The following PDZRN3 variants were observed in gnomAD, a reference collection of about 807,000 sequenced individuals.
PDZRN3 encodes the protein PDZ domain containing ring finger 3.
In PDZRN3, 38 loss-of-function variants were observed where a neutral mutation model predicts 85.7. That is an observed-to-expected ratio of 0.44 (90% CI 0.34 to 0.58). PDZRN3 has a LOEUF of 0.58. Among genes scored for constraint, PDZRN3 ranks in the 20% least tolerant of loss-of-function variants. The pLI is 0.01. For missense variants in PDZRN3, 1,629 were observed against 1,506.4 expected, an observed-to-expected ratio of 1.08 and a Z score of -1.35; for synonymous variants, 759 against 638.0, an observed-to-expected ratio of 1.19 and a Z score of -2.86.
intron 3 of PDZRN3, chr3:73,556,756 C>A (rs990155585): frequency 7.9e-5 from 12 of 152,252 alleles, no homozygotes; most frequent in African/African-American, 2.9e-4. Context: ...GGCAGCAAGT[C>A]AACTGCAGCA....
chr3:73,402,204 C>T (rs1054961014), intron 4 of PDZRN3, among the ~76,000 whole-genome samples: 5 of 152,234 alleles, frequency 3.3e-5, no homozygotes, highest in African/African-American at 1.2e-4. Flanking sequence ...GTCATGTTAA[C>T]TAGACCTAAG....
At chr3:73,588,155 C>T (rs935321845) in intron 3 of PDZRN3, among the ~76,000 whole-genome samples, 1 of 152,106 alleles carries the variant, frequency 6.6e-6, no homozygotes, top group African/African-American at 2.4e-5. Context: ...CAATATTCAA[C>T]TCCTACTCAT....
At position 73,404,181 on chromosome 3, in the gene PDZRN3, G is replaced by A. The variant is rs148767599; in HGVS notation, c.1133C>T (p.Pro378Leu). ...CAAGAGATAGGGATCCAGCACGGGT[G>A]GGCTGGGAGAGGACATCTTAGTGAG... is the stretch of plus-strand genomic sequence containing the variant. Reference protein sequence around the residue: ...MALTKMSSPSPPVLDPYLLPE... With the variant: ...MALTKMSSPSLPVLDPYLLPE... The change falls in exon 4 of 10, where the codon CCA (proline) becomes CTA (leucine). Residue 378 changes from proline (P) to leucine (L), a missense_variant. Coordinates refer to ENST00000263666, the MANE Select transcript of PDZRN3 (RefSeq NM_015009.3). 6.2e-6 allele frequency: 10 copies of A among 1,613,932 alleles called. No homozygotes were observed. The highest frequency in any genetic ancestry group is 1.7e-5 in the Admixed American group (1 of 59,996).
At chr3:73,525,601 C>T (rs770702290) in intron 3 of PDZRN3, among the ~76,000 whole-genome samples, 3 of 152,198 alleles carry the variant, frequency 2.0e-5, no homozygotes, top group South Asian at 2.1e-4. Flanking sequence ...ATTGGGAATA[C>T]GTTTTAAGCT....
intron 6 of PDZRN3, among the ~76,000 whole-genome samples, chr3:73,390,113 T>C (rs1935971027): frequency 6.6e-6 from 1 of 152,156 alleles, no homozygotes; most frequent in African/African-American, 2.4e-5. Flanking sequence ...TACACAGCAG[T>C]GTGTGCAGGC....
At chr3:73,417,652 C>T (rs571430012) in intron 3 of PDZRN3, among the ~76,000 whole-genome samples, 7 of 152,292 alleles carry the variant, frequency 4.6e-5, no homozygotes, top group African/African-American at 1.7e-4. Context: ...AAGAAACCCT[C>T]CCTATCAGCT....
chr3:73,574,465 G>T (rs1165406956), intron 3 of PDZRN3, among the ~76,000 whole-genome samples: 2 of 138,750 alleles, frequency 1.4e-5, no homozygotes, highest in East Asian at 2.2e-4. Flanking sequence ...GGTGGGGGGG[G>T]TGGGGAGGGC....
At chr3:73,541,112 A>C (rs1249162026) in intron 3 of PDZRN3, among the ~76,000 whole-genome samples, 1 of 152,244 alleles carries the variant, frequency 6.6e-6, no homozygotes, top group East Asian at 1.9e-4. Context: ...ATTGAATGTC[A>C]GCAAAAAATG....
At chr3:73,596,861 A>G (rs1311087343) in intron 3 of PDZRN3, among the ~76,000 whole-genome samples, 2 of 152,208 alleles carry the variant, frequency 1.3e-5, no homozygotes, top group Non-Finnish European at 2.9e-5. Flanking sequence ...TGAAGATTAG[A>G]TAACAGTTTT....
At chr3:73,552,319 C>A (rs1701582969) in intron 3 of PDZRN3, among the ~76,000 whole-genome samples, 1 of 151,120 alleles carries the variant, frequency 6.6e-6, no homozygotes, top group African/African-American at 2.4e-5. Context: ...CACTATTATA[C>A]TTCTACCCTA....
chr3:73,509,465 C>T (rs1327388905), intron 3 of PDZRN3, among the ~76,000 whole-genome samples: 1 of 152,164 alleles, frequency 6.6e-6, no homozygotes, highest in East Asian at 1.9e-4. Context: ...GCTCAGTTTC[C>T]TCTTCTATAA....
At chr3:73,388,421 G>GT (rs1483277722) in intron 7 of PDZRN3, among the ~76,000 whole-genome samples, 1 of 152,154 alleles carries the variant, frequency 6.6e-6, no homozygotes, top group East Asian at 1.9e-4. Flanking sequence ...TCAGGCAGGA[G>GT]TATATGTAGA....
intron 3 of PDZRN3, among the ~76,000 whole-genome samples, chr3:73,508,847 AGG>A (rs1440266335): frequency 3.3e-5 from 5 of 152,206 alleles, no homozygotes; most frequent in African/African-American, 1.2e-4. Context: ...GCCATAACCA[AGG>A]CCCTCTCATA....
intron 3 of PDZRN3, among the ~76,000 whole-genome samples, chr3:73,556,092 A>T (rs903278640): frequency 6.6e-6 from 1 of 152,186 alleles, no homozygotes; most frequent in Non-Finnish European, 1.5e-5. Flanking sequence ...TTAACTTTCA[A>T]TATCTTCATC....
intron 3 of PDZRN3, among the ~76,000 whole-genome samples, chr3:73,431,404 G>A (rs939579234): frequency 1.3e-5 from 2 of 152,200 alleles, no homozygotes; most frequent in Non-Finnish European, 2.9e-5. Flanking sequence ...AAAGGATAAA[G>A]TCTGAGCCCT....
intron 3 of PDZRN3, among the ~76,000 whole-genome samples, chr3:73,515,538 T>C (rs1704242494): frequency 6.6e-6 from 1 of 152,196 alleles, no homozygotes; most frequent in Non-Finnish European, 1.5e-5. Flanking sequence ...AAAAAGTTCC[T>C]ATAAGGAAAT....
At chr3:73,487,570 C>T (rs1703687496) in intron 3 of PDZRN3, among the ~76,000 whole-genome samples, 1 of 152,148 alleles carries the variant, frequency 6.6e-6, no homozygotes, top group Admixed American at 6.5e-5. Flanking sequence ...CAGGCCGTTT[C>T]GAAGCTCTGT....
In PDZRN3 at chr3:73,593,161, T is replaced by G. The variant is rs371863966; in HGVS notation, c.918+9193A>C. Among the ~76,000 whole-genome samples the G allele has an allele frequency of 2.0e-5, 3 of 152,172 alleles. No individual in the cohort carries two copies. In the South Asian group the frequency reaches 6.2e-4, roughly 32 times the overall value. On this transcript the variant is annotated intron_variant, in intron 3 of 9. Coordinates refer to ENST00000263666, the MANE Select transcript of PDZRN3 (RefSeq NM_015009.3). Reference sequence around the variant, plus strand: ...ATATTTAAAGATAAGTGTCTAGATATCACATGTAAAGATGACAATATAAAA... The same window carrying G: ...ATATTTAAAGATAAGTGTCTAGATAGCACATGTAAAGATGACAATATAAAA...
chr3:73,562,062 A>G (rs896494168), intron 3 of PDZRN3, among the ~76,000 whole-genome samples: 1 of 152,214 alleles, frequency 6.6e-6, no homozygotes, highest in Non-Finnish European at 1.5e-5. Context: ...GTCAAAAACC[A>G]TCTTTTGATC....
Sources: gnomAD v4.1 joint callset for allele counts (sites outside exome capture counted in the v4.1 genomes callset) on GRCh38, gnomAD v4.1.1 for gene constraint, MANE v1.5 for transcripts, NCBI Gene and HGNC (gene_info 2026-07-23, HGNC 2026-07-21) for gene names.